Variants in TRDN observed in about 807,000 individuals in gnomAD.
The protein encoded by TRDN is triadin in skeletal muscle.
Under a neutral mutation model 149.7 loss-of-function variants are expected in TRDN, and 161 were observed. The ratio of observed to expected loss-of-function variants is 1.08; its 90% CI spans 0.95 to 1.23. The LOEUF is 1.23. TRDN is among the 50% of genes most tolerant of loss of function. TRDN has a pLI of 0.00. For synonymous variants in TRDN, 294 were observed against 250.5 expected (o/e 1.17, Z -1.64); for missense variants, 896 against 823.5 (o/e 1.09, Z -1.08).
chr6:123,249,805 G>A (rs192309315), intron 38 of TRDN, among the ~76,000 whole-genome samples: 11 of 152,062 alleles, frequency 7.2e-5, no homozygotes, highest in South Asian at 6.2e-4. Context: ...TGTCCTAGCC[G>A]GAACAATCAA....
At chr6:123,284,649 T>C (rs908097340) in intron 24 of TRDN, among the ~76,000 whole-genome samples, 3 of 152,010 alleles carry the variant, frequency 2.0e-5, no homozygotes, top group Non-Finnish European at 4.4e-5. Flanking sequence ...AACATAGTAC[T>C]GGAAATTCTA....
chr6:123,425,419 T>A (rs1388866191), intron 12 of TRDN, among the ~76,000 whole-genome samples: 2 of 151,976 alleles, frequency 1.3e-5, no homozygotes, highest in East Asian at 1.9e-4. Context: ...AGGCCCCAGT[T>A]GGAGACATAC....
intron 24 of TRDN, among the ~76,000 whole-genome samples, chr6:123,279,318 T>C (rs528167684): frequency 1.3e-5 from 2 of 152,262 alleles, no homozygotes; most frequent in African/African-American, 4.8e-5. Context: ...TTAGGCCATA[T>C]AGTCTCTCAC....
intron 5 of TRDN, among the ~76,000 whole-genome samples, chr6:123,521,552 C>T (rs1779681668): frequency 6.6e-6 from 1 of 152,038 alleles, no homozygotes; most frequent in African/African-American, 2.4e-5. Context: ...CGTCACAGCC[C>T]TCAGAAAAAA....
At chr6:123,314,906 C>A (rs945116836) in intron 24 of TRDN, among the ~76,000 whole-genome samples, 1 of 151,834 alleles carries the variant, frequency 6.6e-6, no homozygotes, top group African/African-American at 2.4e-5. Context: ...AGGCTTAATA[C>A]CTGGGCGATG....
intron 9 of TRDN, among the ~76,000 whole-genome samples, chr6:123,481,903 A>G (rs1777766444): frequency 6.6e-6 from 1 of 152,184 alleles, no homozygotes; most frequent in African/African-American, 2.4e-5. Flanking sequence ...CATGTGAAAA[A>G]GGGTTGCTTC....
intron 2 of TRDN, among the ~76,000 whole-genome samples, chr6:123,567,464 A>G (rs1041845667): frequency 6.6e-6 from 1 of 152,162 alleles, no homozygotes; most frequent in African/African-American, 2.4e-5. Context: ...TTATAAAGAA[A>G]AGAAGTTCAT....
chr6:123,595,798 G>C (rs1448510598), intron 1 of TRDN, among the ~76,000 whole-genome samples: 1 of 152,084 alleles, frequency 6.6e-6, no homozygotes, highest in African/African-American at 2.4e-5. Context: ...ACCCATTCAA[G>C]AAGGTGAACT....
intron 7 of TRDN, among the ~76,000 whole-genome samples, chr6:123,510,451 A>G (rs1453671913): frequency 6.6e-6 from 1 of 152,148 alleles, no homozygotes; most frequent in Non-Finnish European, 1.5e-5. Flanking sequence ...ATAAGATTAA[A>G]TTACCAAATA....
intron 33 of TRDN, among the ~76,000 whole-genome samples, chr6:123,263,159 T>G (rs1353024840): frequency 6.6e-6 from 1 of 152,064 alleles, no homozygotes; most frequent in Non-Finnish European, 1.5e-5. Context: ...AAAGTGTTAC[T>G]CCAGTGACCA....
intron 38 of TRDN, among the ~76,000 whole-genome samples, chr6:123,250,215 T>A (rs61478158): frequency 0.011 from 1,671 of 152,156 alleles, 35 homozygotes; most frequent in South Asian, 0.076. Flanking sequence ...AAGACATGAC[T>A]TGCTCATGGC....
At chr6:123,424,275 C>T (rs1009610929) in intron 12 of TRDN, among the ~76,000 whole-genome samples, 1 of 152,122 alleles carries the variant, frequency 6.6e-6, no homozygotes, top group African/African-American at 2.4e-5. Context: ...TGCCTAACTG[C>T]CCTTTTCTGT....
At chr6:123,224,338 A>T (rs1196434147) in intron 38 of TRDN, among the ~76,000 whole-genome samples, 2 of 151,770 alleles carry the variant, frequency 1.3e-5, no homozygotes, top group Non-Finnish European at 2.9e-5. Context: ...TGAGTGCTGC[A>T]CTATGGTAAT....
intron 26 of TRDN, among the ~76,000 whole-genome samples, chr6:123,278,025 T>C (rs992408007): frequency 6.6e-6 from 1 of 152,208 alleles, no homozygotes; most frequent in Non-Finnish European, 1.5e-5. Flanking sequence ...GCTGATTGAA[T>C]GTCTGTGTCC....
chr6:123,421,239 T>C (rs1773885653), intron 12 of TRDN, among the ~76,000 whole-genome samples: 2 of 152,234 alleles, frequency 1.3e-5, no homozygotes, highest in African/African-American at 4.8e-5. Context: ...CCTCCTTACC[T>C]GTCACCAGCA....
At chr6:123,301,770 C>CATATATATATATACACAT (rs1778428268) in intron 24 of TRDN, among the ~76,000 whole-genome samples, 1 of 57,834 alleles carries the variant, frequency 1.7e-5, no homozygotes, top group Non-Finnish European at 4.8e-5. Flanking sequence ...TATATATATA[C>CATATATATATATACACAT]ATATATATAT....
intron 35 of TRDN, 116 bp downstream of exon 35, chr6:123,259,508 T>C: frequency 1.5e-6 from 1 of 677,754 alleles, no homozygotes; most frequent in Middle Eastern, 4.3e-4. Flanking sequence ...TGCTATAAAA[T>C]CAGTGTCTTC....
At chr6:123,235,094 C>A (rs1042404369) in intron 38 of TRDN, among the ~76,000 whole-genome samples, 1 of 151,956 alleles carries the variant, frequency 6.6e-6, no homozygotes, top group Non-Finnish European at 1.5e-5. Context: ...ATTAGATGAA[C>A]CCTAAGATAG....
intron 20 of TRDN, among the ~76,000 whole-genome samples, chr6:123,356,439 C>T (rs771555729): frequency 1.0e-4 from 15 of 146,826 alleles, no homozygotes; most frequent in Non-Finnish European, 2.0e-4. Context: ...ATCTTTCATA[C>T]GTACTAGCAG....
Sources: allele counts gnomAD v4.1 joint callset (sites outside exome capture counted in the v4.1 genomes callset), GRCh38; gene constraint gnomAD v4.1.1; transcripts MANE v1.5; gene names NCBI Gene and HGNC (gene_info 2026-07-23, HGNC 2026-07-21).